Variants in FLRT3 observed in about 807,000 individuals in gnomAD.
FLRT3 encodes the protein fibronectin leucine rich transmembrane protein 3.
A neutral mutation model predicts 42.6 loss-of-function variants in FLRT3; 17 were observed. The ratio of observed to expected loss-of-function variants is 0.40; its 90% CI spans 0.27 to 0.60. FLRT3 has a LOEUF of 0.60. FLRT3 is among the 20% of genes least tolerant of loss of function. The probability of loss-of-function intolerance (pLI) is 0.44; values close to 1 mark genes in which losing one functional copy is unlikely to be tolerated. For missense variants in FLRT3, 635 were observed against 789.2 expected (o/e 0.80, Z 2.34); for synonymous variants, 279 against 286.4 (o/e 0.97, Z 0.26).
chr20:14,325,629 A>C lies in FLRT3; in HGVS notation c.1878T>G (p.Asn626Lys). The change falls in exon 3 of 3, where the codon AAT (asparagine) becomes AAG (lysine). Residue 626 changes from asparagine to lysine, a missense_variant. Transcript: ENST00000341420. ...PPNGMNLYKN[N>K]HSESSSNRSY... The stretch of plus-strand genomic sequence containing the variant: ...TTCGGTTACTACTGCTTTCACTGTG[A>C]TTGTTTTTGTACAGATTCATTCCAT... 1 of 1,613,616 alleles carries C rather than the reference A, an allele frequency of 6.2e-7. No individual in the cohort carries two copies. Among genetic ancestry groups the C allele is most frequent in the Middle Eastern group, 1.7e-4 (1 of 6,052 alleles).
At position 14,326,184 on chromosome 20, in the gene FLRT3, A is replaced by G. The variant is rs143784361; in HGVS notation, c.1323T>C (p.Leu441=). ...CAAATGCCGGGCTATGGCCCAGTTTAAGCCAGCTGAGTCTCAAAGCAGTCA... is the reference window on the plus strand; with the variant it reads ...CAAATGCCGGGCTATGGCCCAGTTTGAGCCAGCTGAGTCTCAAAGCAGTCA... The part of the protein sequence containing the change: ...LPMTALRLSW[L]KLGHSPAFGS... The change falls in exon 3 of 3, where the codon CTT becomes CTC. Residue 441 remains leucine (L), a synonymous_variant. Transcript: ENST00000341420. The surrounding 1 kb of genome is among the most constrained non-coding windows in gnomAD (Gnocchi z 5.5). 240 of 1,613,914 alleles carry G rather than the reference A, an allele frequency of 1.5e-4. 3 individuals carry two copies. In the Admixed American group the frequency reaches 2.4e-3, roughly 16 times the overall value.
chr20:14,333,130 G>A (rs1257543323), intron 1 of FLRT3, among the ~76,000 whole-genome samples: 3 of 151,988 alleles, frequency 2.0e-5, no homozygotes, highest in African/African-American at 7.2e-5. Context: ...AGTCTGAAGG[G>A]TTTGCTGAGA....
chr20:14,335,729 C>T (rs1283189814), intron 1 of FLRT3, among the ~76,000 whole-genome samples: 1 of 152,122 alleles, frequency 6.6e-6, no homozygotes, highest in African/African-American at 2.4e-5. Flanking sequence ...TATTCATTCA[C>T]TAATATTTTG....
In FLRT3 at chr20:14,326,679, C is replaced by T. The variant is rs780778475; in HGVS notation, c.828G>A (p.Leu276=). The T allele has an allele frequency of 3.1e-6, 5 of 1,613,732 alleles. No homozygotes were observed. The highest frequency in any genetic ancestry group is 4.2e-6 in the Non-Finnish European group (5 of 1,179,822). Residue 276 remains leucine (L), a synonymous_variant, in exon 3 of 3, where the codon CTG becomes CTA. Transcript: ENST00000341420. This position sits in a 1 kb window ranked among gnomAD's most constrained non-coding sequence, Gnocchi z 5.5. The stretch of plus-strand genomic sequence containing the variant: ...TACTTAGGTTATTATTGGACATATC[C>T]AGTCGATAGAGCTGCCTTAGATAAG... ...AFSYLRQLYR[L]DMSNNNLSNL...
rs763215176 is a variant in FLRT3, at chr20:14,325,606, C to T, written c.1901G>A (p.Arg634Gln). The change falls in exon 3 of 3, where the codon CGA becomes CAA. Residue 634 changes from arginine to glutamine, a missense_variant. Coordinates refer to ENST00000341420, the MANE Select transcript of FLRT3 (RefSeq NM_198391.3). ...TGGAATACCACTGTCTCTGTAGCTT[C>T]GGTTACTACTGCTTTCACTGTGATT... ...KNNHSESSSN[R>Q]SYRDSGIPDS... The T allele has an allele frequency of 1.6e-5, 26 of 1,613,242 alleles. No homozygotes were observed. Among genetic ancestry groups the T allele is most frequent in the Non-Finnish European group, 1.9e-5 (22 of 1,179,564 alleles).
intron 1 of FLRT3, 30 bp from the exon 2 acceptor site, chr20:14,329,357 T>C (rs183804694): frequency 1.3e-5 from 2 of 152,232 alleles, no homozygotes; most frequent in African/African-American, 2.4e-5. Flanking sequence ...TAATGAACTA[T>C]TAATAATGAA....
chr20:14,336,538 TTTCCTATTATAAGTTGCAAAGAA>T (rs1221522024), intron 1 of FLRT3, among the ~76,000 whole-genome samples: 2 of 152,136 alleles, frequency 1.3e-5, no homozygotes, highest in African/African-American at 4.8e-5. Context: ...AATATAAGAT[TTTCCTATTATAAGTTGCAAAGAA>T]TGGATCCTCT....
chr20:14,326,265 AGTAATT>A lies in FLRT3; in HGVS notation c.1236_1241del (p.Ile413_Thr414del), dbSNP rs778374335. 2.5e-6 allele frequency: 4 copies of A among 1,613,956 alleles called. No individual in the cohort carries two copies. The Admixed American group carries it at 6.7e-5, about 27-fold the overall frequency. ...TGGTATCAGAGGTGACAGACTTCAC[AGTAATT>A]GTAATTGTTTTTCTTGAGGGACTCC... On this transcript the variant is annotated inframe_deletion, in exon 3 of 3. Transcript: ENST00000341420. This position sits in a 1 kb window ranked among gnomAD's most constrained non-coding sequence, Gnocchi z 5.5.
rs755239011 is a variant in FLRT3 at position 14,327,289 on chromosome 20, G to T, written c.218C>A (p.Ala73Asp). The change falls in exon 3 of 3, where the codon GCT (alanine) becomes GAT (aspartate). Residue 73 changes from alanine to aspartate, a missense_variant. Ala to Asp is a moderately radical substitution (Grantham distance 126, BLOSUM62 -2). Coordinates refer to ENST00000341420, the MANE Select transcript of FLRT3 (RefSeq NM_198391.3). ...LYLQNNQINNAGIPSDLKNLL... is the reference protein window; with the variant it reads ...LYLQNNQINNDGIPSDLKNLL... Reference sequence around the variant, plus strand: ...GTTTTTCAAATCTGAAGGAATCCCAGCATTATTTATTTGGTTGTTCTGAAG... The same window carrying T: ...GTTTTTCAAATCTGAAGGAATCCCATCATTATTTATTTGGTTGTTCTGAAG... The T allele has an allele frequency of 3.1e-6, 5 of 1,613,738 alleles. No individual in the cohort carries two copies. The highest frequency in any genetic ancestry group is 4.5e-5 in the East Asian group (2 of 44,872).
rs1195369350 is a variant in FLRT3 at position 14,326,894 on chromosome 20, C to G, written c.613G>C (p.Val205Leu). The G allele has an allele frequency of 1.2e-6, 2 of 1,613,752 alleles. 1 individual carries two copies. Among genetic ancestry groups the G allele is most frequent in the Non-Finnish European group, 1.7e-6 (2 of 1,179,808 alleles). The change falls in exon 3 of 3, where the codon GTT becomes CTT. Residue 205 changes from valine (V) to leucine (L), a missense_variant. Transcript: ENST00000341420. This position sits in a 1 kb window ranked among gnomAD's most constrained non-coding sequence, Gnocchi z 5.5. ...TTGTTCAACAGGTTTCCATCTAGAA[C>G]CAGGCGTTTTAGACTAGTGAGACCT... ...LQGLTSLKRL[V>L]LDGNLLNNHG...
At position 14,326,164 on chromosome 20, in the gene FLRT3, G is replaced by A. The variant is rs749984721; in HGVS notation, c.1343C>T (p.Ala448Val). The A allele has an allele frequency of 1.1e-5, 18 of 1,613,740 alleles. No individual in the cohort carries two copies. Among genetic ancestry groups the A allele is most frequent in the Non-Finnish European group, 1.4e-5 (17 of 1,179,890 alleles). Residue 448 changes from alanine to valine, a missense_variant, in exon 3 of 3, where the codon GCA becomes GTA. Transcript: ENST00000341420. This position sits in a 1 kb window ranked among gnomAD's most constrained non-coding sequence, Gnocchi z 5.5. ...LSWLKLGHSP[A>V]FGSITETIVT... ...AATTGTTTCTGTTATAGATCCAAATGCCGGGCTATGGCCCAGTTTAAGCCA... is the reference window on the plus strand; with the variant it reads ...AATTGTTTCTGTTATAGATCCAAATACCGGGCTATGGCCCAGTTTAAGCCA...
chr20:14,330,718 G>T (rs1303754459), intron 1 of FLRT3, among the ~76,000 whole-genome samples: 2 of 152,110 alleles, frequency 1.3e-5, no homozygotes, highest in East Asian at 3.9e-4. Flanking sequence ...AGTGCCCACA[G>T]AGGAAAGTTT....
chr20:14,334,136 A>T (rs1180656319), intron 1 of FLRT3, among the ~76,000 whole-genome samples: 2 of 152,222 alleles, frequency 1.3e-5, no homozygotes, highest in Non-Finnish European at 2.9e-5. Context: ...CTTAAATTAT[A>T]TTCTATTGCT....
intron 1 of FLRT3, among the ~76,000 whole-genome samples, chr20:14,336,572 G>T (rs1384824970): frequency 6.6e-6 from 1 of 152,102 alleles, no homozygotes; most frequent in Non-Finnish European, 1.5e-5. Context: ...TGGATCCTCT[G>T]CAAAACCCAC....
At position 14,325,346 on chromosome 20, in the gene FLRT3, C is replaced by G; in HGVS notation, c.*211G>C. ...AAATACTAAAATATAGAATTGTGTTCAGGCATCTCCACTACATCAATCGCA... is the reference window on the plus strand; with the variant it reads ...AAATACTAAAATATAGAATTGTGTTGAGGCATCTCCACTACATCAATCGCA... On this transcript the variant is annotated 3_prime_UTR_variant, in exon 3 of 3. Coordinates refer to ENST00000341420, the MANE Select transcript of FLRT3 (RefSeq NM_198391.3). 1 of 436,348 alleles carries G rather than the reference C, an allele frequency of 2.3e-6. No homozygotes were observed. The highest frequency in any genetic ancestry group is 4.0e-6 in the Non-Finnish European group (1 of 250,570). 27.0% of individuals were successfully genotyped at this position (436,348 alleles called of 1,614,324 possible).
At chr20:14,332,080 A>C (rs2082852751) in intron 1 of FLRT3, among the ~76,000 whole-genome samples, 1 of 152,180 alleles carries the variant, frequency 6.6e-6, no homozygotes, top group African/African-American at 2.4e-5. Context: ...ATCATTATTT[A>C]ACTATAAAAC....
chr20:14,337,234 G>C (rs204607), intron 1 of FLRT3, among the ~76,000 whole-genome samples, 170 bp downstream of exon 1: 135,639 of 152,192 alleles, frequency 0.89, 60,663 homozygotes, highest in South Asian at 0.93. Context: ...ATTCAGCCAT[G>C]ATAGTGAAAT....
At chr20:14,333,495 A>G (rs904606023) in intron 1 of FLRT3, among the ~76,000 whole-genome samples, 1 of 152,146 alleles carries the variant, frequency 6.6e-6, no homozygotes, top group African/African-American at 2.4e-5. Context: ...ATTAATTTAG[A>G]GAGTGGTGAA....
In FLRT3 at chr20:14,326,635, A is replaced by G; in HGVS notation, c.872T>C (p.Phe291Ser). 6.2e-7 allele frequency: 1 copy of G among 1,613,836 alleles called. No individual in the cohort carries two copies. Among genetic ancestry groups the G allele is most frequent in the Non-Finnish European group, 8.5e-7 (1 of 1,179,822 alleles). ...NNLSNLPQGI[F>S]DDLDNITQLI... ...TTGTGTTATATTGTCCAAATCATCA[A>G]AGATACCCTGAGGTAAATTACTTAG... The change falls in exon 3 of 3, where the codon TTT becomes TCT. Residue 291 changes from phenylalanine (F) to serine (S), a missense_variant. By Grantham distance (155) the Phe-to-Ser change is radical (BLOSUM62 -2). Transcript: ENST00000341420. The surrounding 1 kb of genome is among the most constrained non-coding windows in gnomAD (Gnocchi z 5.5).
Sources: gnomAD v4.1 joint callset for allele counts (sites outside exome capture counted in the v4.1 genomes callset) on GRCh38, gnomAD v4.1.1 for gene constraint, Gnocchi (gnomAD v3.1) non-coding constraint, MANE v1.5 for transcripts, NCBI Gene and HGNC (gene_info 2026-07-23, HGNC 2026-07-21) for gene names.